The following EXOC6B variants were observed in gnomAD, a reference collection of about 807,000 sequenced individuals.
EXOC6B encodes the protein exocyst complex component 6B.
EXOC6B carries 54 observed loss-of-function variants against 113.5 expected under a neutral mutation model. That is an observed-to-expected ratio of 0.48 (90% CI 0.38 to 0.60). The LOEUF is 0.60. EXOC6B is among the 20% of genes least tolerant of loss of function. The pLI is 0.00. For synonymous variants in EXOC6B, 357 were observed against 339.0 expected (o/e 1.05, Z -0.58); for missense variants, 797 against 977.5 (o/e 0.82, Z 2.46).
intron 20 of EXOC6B, among the ~76,000 whole-genome samples, chr2:72,255,237 A>C (rs904258544): frequency 3.3e-5 from 5 of 152,236 alleles, no homozygotes; most frequent in Non-Finnish European, 5.9e-5. Context: ...CAAGGTTTTA[A>C]AGAATGCTGT....
chr2:72,443,320 C>CAAAA (rs61290907), intron 18 of EXOC6B, among the ~76,000 whole-genome samples: 3 of 92,712 alleles, frequency 3.2e-5, no homozygotes, highest in South Asian at 4.6e-4. Context: ...GAGATTCTGT[C>CAAAA]AAAAAAAAAA....
At chr2:72,322,146 A>G (rs1430760689) in intron 20 of EXOC6B, among the ~76,000 whole-genome samples, 1 of 152,212 alleles carries the variant, frequency 6.6e-6, no homozygotes, top group Non-Finnish European at 1.5e-5. Context: ...TTTTACTCAT[A>G]ATAGCCCAAA....
intron 20 of EXOC6B, among the ~76,000 whole-genome samples, chr2:72,209,704 T>C (rs1256328599): frequency 6.6e-6 from 1 of 152,224 alleles, no homozygotes; most frequent in African/African-American, 2.4e-5. Flanking sequence ...CTTTAAAAAC[T>C]GGGCTTTTGT....
intron 20 of EXOC6B, among the ~76,000 whole-genome samples, chr2:72,265,912 C>T (rs1218639338): frequency 7.2e-5 from 11 of 152,166 alleles, no homozygotes. Context: ...CTCTCCAGCA[C>T]CTGTTGTTTC....
chr2:72,438,375 G>A (rs530578227), intron 18 of EXOC6B, among the ~76,000 whole-genome samples: 68 of 151,732 alleles, frequency 4.5e-4, no homozygotes, highest in African/African-American at 1.6e-3. Flanking sequence ...CTGGGAAACC[G>A]AGGTAGTAGG....
chr2:72,808,273 G>A (rs937472214), intron 1 of EXOC6B, among the ~76,000 whole-genome samples: 4 of 152,190 alleles, frequency 2.6e-5, no homozygotes, highest in Non-Finnish European at 4.4e-5. Flanking sequence ...AACACAGTCT[G>A]ATATGATACT....
intron 6 of EXOC6B, among the ~76,000 whole-genome samples, chr2:72,661,092 C>T (rs982986898): frequency 1.3e-5 from 2 of 152,052 alleles, no homozygotes; most frequent in African/African-American, 4.8e-5. Flanking sequence ...AAACCTTTCT[C>T]CCCACTCTGG....
At chr2:72,738,344 A>T (rs1190697014) in intron 2 of EXOC6B, among the ~76,000 whole-genome samples, 2 of 152,198 alleles carry the variant, frequency 1.3e-5, no homozygotes, top group Non-Finnish European at 2.9e-5. Flanking sequence ...GAAACCTAAG[A>T]GTCATGGGCT....
rs549518487 is a variant in EXOC6B at position 72,594,488 on chromosome 2, C to T, written c.670-18820G>A. Among the ~76,000 whole-genome samples the T allele has an allele frequency of 2.4e-4, 37 of 152,290 alleles. 1 individual carries two copies. The South Asian group carries it at 6.4e-3, about 26-fold the overall frequency. ...AAATTTAAGTAGGGAAATGCCTGAA[C>T]ACCCAGGAGATGATGGATGCTGCCC... On this transcript the variant is annotated intron_variant, in intron 6 of 21. Transcript: ENST00000272427.
chr2:72,430,506 G>T (rs1455430501), intron 18 of EXOC6B, among the ~76,000 whole-genome samples: 1 of 152,144 alleles, frequency 6.6e-6, no homozygotes, highest in East Asian at 1.9e-4. Flanking sequence ...AATTAGTCAG[G>T]CATGGTGGCA....
At chr2:72,598,832 C>A (rs778381643) in intron 6 of EXOC6B, among the ~76,000 whole-genome samples, 1 of 151,978 alleles carries the variant, frequency 6.6e-6, no homozygotes, top group Non-Finnish European at 1.5e-5. Flanking sequence ...AGACAATCTA[C>A]CAAAATTAGT....
intron 13 of EXOC6B, among the ~76,000 whole-genome samples, chr2:72,496,972 T>TATG (rs1700069381): frequency 6.8e-6 from 1 of 147,148 alleles, no homozygotes; most frequent in Non-Finnish European, 1.5e-5. Context: ...TTATTATTAT[T>TATG]ATTATTATTA....
chr2:72,426,659 C>A (rs1392784535), intron 18 of EXOC6B, among the ~76,000 whole-genome samples: 1 of 152,228 alleles, frequency 6.6e-6, no homozygotes, highest in Non-Finnish European at 1.5e-5. Context: ...TGTCAGACCC[C>A]ACCTCTCCTA....
In EXOC6B at chr2:72,784,254, T is replaced by C. The variant is rs555109973; in HGVS notation, c.113+41544A>G. On this transcript the variant is annotated intron_variant, in intron 1 of 21. Coordinates refer to ENST00000272427, the MANE Select transcript of EXOC6B (RefSeq NM_015189.3). ...TGTTCTGGTTACTATTGCCTAGTAA[T>C]ATATTTTAAAATCAGGCTGTGTGAT... is the stretch of plus-strand genomic sequence containing the variant. 6.7e-4 allele frequency among the ~76,000 whole-genome samples: 102 copies of C among 152,344 alleles called. 3 individuals are homozygous for C. Among genetic ancestry groups the C allele is most frequent in the Admixed American group, 6.1e-3 (93 of 15,294 alleles).
intron 7 of EXOC6B, among the ~76,000 whole-genome samples, chr2:72,566,008 T>G (rs1397159132): frequency 6.6e-6 from 1 of 151,620 alleles, no homozygotes; most frequent in Non-Finnish European, 1.5e-5. Context: ...TCAGGTTTTG[T>G]TTTGTTTTTT....
chr2:72,353,380 TCG>T, intron 19 of EXOC6B, among the ~76,000 whole-genome samples: 1 of 151,980 alleles, frequency 6.6e-6, no homozygotes, highest in African/African-American at 2.4e-5. Context: ...TTGTATTGTA[TCG>T]TATTTTTGAG....
intron 20 of EXOC6B, among the ~76,000 whole-genome samples, chr2:72,215,829 A>G (rs369684851): frequency 1.6e-3 from 249 of 152,220 alleles, no homozygotes; most frequent in African/African-American, 5.7e-3. Context: ...GATGTATAGT[A>G]GTCACTGCAG....
intron 20 of EXOC6B, among the ~76,000 whole-genome samples, chr2:72,210,986 T>C (rs1680150398): frequency 6.6e-6 from 1 of 152,196 alleles, no homozygotes. Flanking sequence ...AAATGTTATC[T>C]GTAGAAGGTG....
chr2:72,578,132 G>A (rs1704989482), intron 6 of EXOC6B, among the ~76,000 whole-genome samples: 1 of 151,948 alleles, frequency 6.6e-6, no homozygotes, highest in African/African-American at 2.4e-5. Flanking sequence ...TATTACTAAT[G>A]TGTGTTCCAC....
Sources: gnomAD v4.1 joint callset for allele counts (sites outside exome capture counted in the v4.1 genomes callset) on GRCh38, gnomAD v4.1.1 for gene constraint, MANE v1.5 for transcripts, NCBI Gene and HGNC (gene_info 2026-07-23, HGNC 2026-07-21) for gene names.